COL4A3: variants seen among roughly 807,000 people sequenced by gnomAD.
COL4A3 encodes collagen alpha-3(IV) chain.
Under a neutral mutation model 217.4 loss-of-function variants are expected in COL4A3, and 135 were observed. The ratio of observed to expected loss-of-function variants is 0.62; its 90% CI spans 0.54 to 0.72. The LOEUF (loss-of-function observed/expected upper bound fraction) is 0.72, where lower values mean the gene tolerates loss of function less well. Ranked by LOEUF, COL4A3 falls within the 30% of genes least tolerant of loss-of-function variation. The pLI, the probability that COL4A3 is intolerant of heterozygous loss-of-function variation, is 0.00. For missense variants in COL4A3, 1,868 were observed against 2,119.9 expected (o/e 0.88, Z 2.33); for synonymous variants, 690 against 736.3 (o/e 0.94, Z 1.02).
intron 43 of COL4A3, among the ~76,000 whole-genome samples, chr2:227,300,212 G>A (rs1032280847): frequency 2.0e-5 from 3 of 152,140 alleles, no homozygotes; most frequent in Non-Finnish European, 2.9e-5. Flanking sequence ...TCTACTGTCC[G>A]GAACATCACC....
At chr2:227,268,119 T>C (rs1424756115) in intron 23 of COL4A3, among the ~76,000 whole-genome samples, 2 of 152,230 alleles carry the variant, frequency 1.3e-5, no homozygotes, top group East Asian at 1.9e-4. Context: ...CTTCAGACAA[T>C]GTCATCAAAT....
At chr2:227,174,523 T>C (rs753044559) in intron 1 of COL4A3, among the ~76,000 whole-genome samples, 13 of 149,654 alleles carry the variant, frequency 8.7e-5, no homozygotes, top group Non-Finnish European at 1.9e-4. Context: ...TATTATTATT[T>C]TGAGATGGAG....
rs749214295 is a variant in COL4A3, at chr2:227,309,091, C to T, written c.4640+15C>T. 3 of 1,613,950 alleles carry T rather than the reference C, an allele frequency of 1.9e-6. No individual in the cohort carries two copies. The Admixed American group carries it at 5.0e-5, about 27-fold the overall frequency. ...TATATAAGCAGGTAAAAATCCAATCCCCTAGTTTTACAATGGGACCAAGTG... is the reference window on the plus strand; with the variant it reads ...TATATAAGCAGGTAAAAATCCAATCTCCTAGTTTTACAATGGGACCAAGTG... On this transcript the variant is annotated intron_variant, in intron 49 of 51. Coordinates refer to ENST00000396578, the MANE Select transcript of COL4A3 (RefSeq NM_000091.5).
chr2:227,242,136 G>A (rs1335256014), intron 3 of COL4A3, among the ~76,000 whole-genome samples: 1 of 152,146 alleles, frequency 6.6e-6, no homozygotes. Flanking sequence ...CCTGTTTCAG[G>A]ACTAGTCATA....
intron 1 of COL4A3, among the ~76,000 whole-genome samples, chr2:227,195,409 T>C (rs2066427324): frequency 1.3e-5 from 2 of 152,042 alleles, no homozygotes; most frequent in Admixed American, 6.5e-5. Context: ...TGGTGGCCCA[T>C]AAGATTATAA....
At chr2:227,288,825 C>T (rs907903318) in intron 34 of COL4A3, among the ~76,000 whole-genome samples, 4 of 152,120 alleles carry the variant, frequency 2.6e-5, no homozygotes, top group Admixed American at 1.3e-4. Flanking sequence ...AGCCCAAATC[C>T]GCCCATGCTC....
chr2:227,218,717 A>G (rs184616884), intron 1 of COL4A3, among the ~76,000 whole-genome samples: 1 of 152,340 alleles, frequency 6.6e-6, no homozygotes, highest in East Asian at 1.9e-4. Flanking sequence ...TAAAGCACAT[A>G]TTAGGAAAGG....
intron 17 of COL4A3, 28 bp from the exon 18 acceptor site, chr2:227,257,575 C>T (rs2070266239): frequency 6.2e-7 from 1 of 1,604,548 alleles, no homozygotes; most frequent in African/African-American, 1.3e-5. Flanking sequence ...TGACCATATT[C>T]ACAATTTGTA....
At chr2:227,295,428 T>C in intron 41 of COL4A3, 112 bp downstream of exon 41, 1 of 898,266 alleles carries the variant, frequency 1.1e-6, no homozygotes, top group Non-Finnish European at 1.9e-6. Flanking sequence ...GATGTTCCAA[T>C]AGTAATACAG....
In COL4A3 at chr2:227,250,693, G is replaced by C. The variant is rs576871603; in HGVS notation, c.547-447G>C. On this transcript the variant is annotated intron_variant, in intron 9 of 51. Coordinates refer to ENST00000396578, the MANE Select transcript of COL4A3 (RefSeq NM_000091.5). This position sits in a 1 kb window ranked among gnomAD's most constrained non-coding sequence, Gnocchi z 4.1. ...GTGGGTTACAACTTTGGATAAGCAG[G>C]AAGGCTTTATGGAAAGGATGACAAT... Among the ~76,000 whole-genome samples the C allele has an allele frequency of 6.6e-6, 1 of 152,286 alleles. No individual in the cohort carries two copies. The highest frequency in any genetic ancestry group is 2.1e-4 in the South Asian group (1 of 4,816).
At chr2:227,257,002 A>G (rs1331628280) in intron 17 of COL4A3, among the ~76,000 whole-genome samples, 1 of 152,242 alleles carries the variant, frequency 6.6e-6, no homozygotes, top group East Asian at 1.9e-4. Context: ...TGAATAATGT[A>G]GGCAATTGTA....
chr2:227,268,594 G>T (rs555491357), intron 23 of COL4A3: 1 of 152,244 alleles, frequency 6.6e-6, no homozygotes, highest in African/African-American at 2.4e-5. Flanking sequence ...ATGCACTTGG[G>T]CAGGGATCCT....
chr2:227,296,121 C>T (rs2073018354), intron 41 of COL4A3, among the ~76,000 whole-genome samples: 1 of 152,208 alleles, frequency 6.6e-6, no homozygotes. Flanking sequence ...TGGGCAGGAA[C>T]CACCTCTTGA....
chr2:227,293,334 C>T lies in COL4A3; in HGVS notation c.3337+17C>T. On this transcript the variant is annotated intron_variant, in intron 38 of 51. Transcript: ENST00000396578. ...GCCTCCCAGGTAAGGCTTGAGTTTA[C>T]AATTCTAAAAGCTGGAAGCATTACT... 1 of 1,613,592 alleles carries T rather than the reference C, an allele frequency of 6.2e-7. No individual in the cohort carries two copies. Among genetic ancestry groups the T allele is most frequent in the Non-Finnish European group, 8.5e-7 (1 of 1,179,868 alleles).
chr2:227,288,233 A>AT (rs1296854270), intron 34 of COL4A3, among the ~76,000 whole-genome samples: 1 of 152,126 alleles, frequency 6.6e-6, no homozygotes, highest in African/African-American at 2.4e-5. Context: ...AGTAGCTGGG[A>AT]TTACAGGTGT....
Position 227,253,399 on chromosome 2 carries a change from C to CTA in COL4A3, c.687+65_687+66dup, listed in dbSNP as rs1408125244. 1 of 1,563,884 alleles carries CTA rather than the reference C, an allele frequency of 6.4e-7. No homozygotes were observed. The highest frequency in any genetic ancestry group is 1.4e-5 in the African/African-American group (1 of 73,904). On this transcript the variant is annotated intron_variant, in intron 12 of 51. Coordinates refer to ENST00000396578, the MANE Select transcript of COL4A3 (RefSeq NM_000091.5). The surrounding 1 kb of genome is among the most constrained non-coding windows in gnomAD (Gnocchi z 4.4). ...ATTTTATGTCCCAGAGCATATCAGC[C>CTA]TATACCGTTTACTTACGGGCCAAGC...
In COL4A3 at chr2:227,256,343, G is replaced by C; in HGVS notation, c.934G>C (p.Gly312Arg). The C allele has an allele frequency of 6.2e-7, 1 of 1,613,454 alleles. No individual in the cohort carries two copies. The highest frequency in any genetic ancestry group is 8.5e-7 in the Non-Finnish European group (1 of 1,179,538). Reference protein sequence around the residue: ...DGVPGFPGSEGVKGNRGFPGL... With the variant: ...DGVPGFPGSERVKGNRGFPGL... Reference sequence around the variant, plus strand: ...CATTTCTTTTTGTTCTTTTCTTTAGGGAGTCAAGGGCAACAGGGGTTTCCC... The same window carrying C: ...CATTTCTTTTTGTTCTTTTCTTTAGCGAGTCAAGGGCAACAGGGGTTTCCC... The change falls in exon 17 of 52, where the codon GGA becomes CGA. Residue 312 changes from glycine to arginine, a missense_variant and splice_region_variant. Physicochemically the swap from Gly to Arg is moderately radical, Grantham distance 125. Coordinates refer to ENST00000396578, the MANE Select transcript of COL4A3 (RefSeq NM_000091.5).
chr2:227,261,191 A>G, intron 20 of COL4A3, 74 bp downstream of exon 20: 2 of 1,235,756 alleles, frequency 1.6e-6, no homozygotes, highest in Non-Finnish European at 2.4e-6. Context: ...TATTAAGTTT[A>G]CATTATTTAC....
At position 227,259,876 on chromosome 2, in the gene COL4A3, A is replaced by C. The variant is rs1330087669; in HGVS notation, c.1113A>C (p.Gln371His). ...GGCCCAGAGGAGCTCGTGGCCCACA[A>C]GGTAAGAATAAATTTCTTCCTAAAG... is the stretch of plus-strand genomic sequence containing the variant. ...PPGPRGARGP[Q>H]GPSGPPGVPG... Residue 371 changes from glutamine to histidine, a missense_variant and splice_region_variant, in exon 19 of 52, where the codon CAA (glutamine) becomes CAC (histidine). Transcript: ENST00000396578. 6.2e-7 allele frequency: 1 copy of C among 1,610,462 alleles called. No homozygotes were observed. The highest frequency in any genetic ancestry group is 1.3e-5 in the African/African-American group (1 of 74,854).
Sources: gnomAD v4.1 joint callset for allele counts (sites outside exome capture counted in the v4.1 genomes callset) on GRCh38, gnomAD v4.1.1 for gene constraint, Gnocchi (gnomAD v3.1) non-coding constraint, MANE v1.5 for transcripts, NCBI Gene and HGNC (gene_info 2026-07-23, HGNC 2026-07-21) for gene names.